Variants in CFAP74 observed in about 807,000 individuals in gnomAD.
CFAP74 encodes the protein cilia and flagella associated protein 74.
Under a neutral mutation model 188.9 loss-of-function variants are expected in CFAP74, and 124 were observed. The ratio of observed to expected loss-of-function variants is 0.66; its 90% CI spans 0.57 to 0.76. CFAP74 has a LOEUF of 0.76. Ranked by LOEUF, CFAP74 falls within the 30% of genes least tolerant of loss-of-function variation. CFAP74 has a pLI of 0.00. For missense variants in CFAP74, 2,198 were observed against 2,165.2 expected (o/e 1.02, Z -0.30); for synonymous variants, 956 against 916.7 (o/e 1.04, Z -0.77).
intron 16 of CFAP74, among the ~76,000 whole-genome samples, chr1:1,958,472 C>T (rs1440329457): frequency 6.6e-6 from 1 of 152,238 alleles, no homozygotes; most frequent in African/African-American, 2.4e-5. Context: ...ACACTCGCGG[C>T]TGAGCCAGGA....
chr1:1,925,650 G>C, intron 33 of CFAP74, 133 bp downstream of exon 33: 1 of 918,560 alleles, frequency 1.1e-6, no homozygotes. Flanking sequence ...GTAGAGGAGG[G>C]GTAGAGGGGG....
intron 34 of CFAP74, among the ~76,000 whole-genome samples, 196 bp downstream of exon 34, chr1:1,924,195 G>GCCCCCCCAT (rs1651642702): frequency 1.7e-5 from 1 of 58,584 alleles, no homozygotes; most frequent in African/African-American, 7.8e-5. Flanking sequence ...CCCCCACCCA[G>GCCCCCCCAT]CTCACCGCCC....
chr1:1,924,076 C>G (rs1283365292), intron 34 of CFAP74, 147 bp from the exon 35 acceptor site: 2 of 673,140 alleles, frequency 3.0e-6, no homozygotes, highest in Non-Finnish European at 2.2e-6. Context: ...TTGCGCCCCC[C>G]ACTCCTCCCA....
intron 33 of CFAP74, 32 bp downstream of exon 33, chr1:1,925,751 G>A (rs779738575): frequency 3.1e-5 from 50 of 1,594,886 alleles, no homozygotes; most frequent in Non-Finnish European, 4.0e-5. Context: ...CTGGGAGGCT[G>A]GAGCCAGCAC....
rs112104239 is a variant in CFAP74, at chr1:1,922,117, G to A, written c.*170C>T. ...GGTGCTCTTGGATGTCCCTGGGCTT[G>A]CGGGGTCCAGGGCAGCAGGAAGTGG... On this transcript the variant is annotated 3_prime_UTR_variant, in exon 39 of 39. Coordinates refer to ENST00000682832, the MANE Select transcript of CFAP74 (RefSeq NM_001304360.2). 3.1e-5 allele frequency: 18 copies of A among 584,960 alleles called. No individual in the cohort carries two copies. Among genetic ancestry groups the A allele is most frequent in the African/African-American group, 1.7e-4 (9 of 52,708 alleles). 36.2% of individuals were successfully genotyped at this position (584,960 alleles called of 1,614,324 possible).
At position 1,923,933 on chromosome 1, in the gene CFAP74, C is replaced by A. The variant is rs756214005; in HGVS notation, c.4235-4G>T. On this transcript the variant is annotated splice_region_variant and splice_polypyrimidine_tract_variant and intron_variant, in intron 34 of 38. Coordinates refer to ENST00000682832, the MANE Select transcript of CFAP74 (RefSeq NM_001304360.2). This position sits in a 1 kb window ranked among gnomAD's most constrained non-coding sequence, Gnocchi z 6.3. ...TGACCGTTGAGATTCTGCGTCCCTGCGGGTAGGGTGGGGTGCAGTTTGGCC... is the reference window on the plus strand; with the variant it reads ...TGACCGTTGAGATTCTGCGTCCCTGAGGGTAGGGTGGGGTGCAGTTTGGCC... 4 of 1,605,652 alleles carry A rather than the reference C, an allele frequency of 2.5e-6. No homozygotes were observed. Among genetic ancestry groups the A allele is most frequent in the East Asian group, 2.2e-5 (1 of 44,812 alleles).
In CFAP74 at chr1:1,959,102, G is replaced by T; in HGVS notation, c.1851+18C>A. On this transcript the variant is annotated intron_variant, in intron 16 of 38. Coordinates refer to ENST00000682832, the MANE Select transcript of CFAP74 (RefSeq NM_001304360.2). ...AGCATGCCCCGAGAAATGCTGGCTC[G>T]GACACCTTTGAACTCACCGAACATT... 2.5e-6 allele frequency: 4 copies of T among 1,576,910 alleles called. No individual in the cohort carries two copies. Among genetic ancestry groups the T allele is most frequent in the Non-Finnish European group, 2.6e-6 (3 of 1,148,206 alleles).
intron 25 of CFAP74, among the ~76,000 whole-genome samples, chr1:1,937,090 C>T (rs573875422): frequency 9.8e-5 from 15 of 152,290 alleles, no homozygotes; most frequent in Admixed American, 8.5e-4. Context: ...AAGGCAGCAG[C>T]CTAAGGACTC....
In CFAP74 at chr1:1,938,843, T is replaced by C; in HGVS notation, c.3011+12A>G. 1 of 1,535,760 alleles carries C rather than the reference T, an allele frequency of 6.5e-7. No homozygotes were observed. On this transcript the variant is annotated intron_variant, in intron 25 of 38. Transcript: ENST00000682832. ...CCAGGCCCCCTGCGTCCCCTCTCCC[T>C]GGCAGGCTCACCGGTTGATCTCAGA... is the stretch of plus-strand genomic sequence containing the variant.
At chr1:1,959,031 T>C in intron 16 of CFAP74, 89 bp downstream of exon 16, 3 of 861,744 alleles carry the variant, frequency 3.5e-6, no homozygotes, top group Middle Eastern at 2.3e-4. Flanking sequence ...CCCGCCAACC[T>C]GCACCCCCTC....
intron 13 of CFAP74, 69 bp from the exon 14 acceptor site, chr1:1,963,936 T>C: frequency 9.8e-7 from 1 of 1,022,074 alleles, no homozygotes; most frequent in Non-Finnish European, 1.5e-6. Context: ...CCGAGGCAGC[T>C]TTGCCTCAAG....
intron 10 of CFAP74, among the ~76,000 whole-genome samples, chr1:1,970,025 G>A (rs569084117): frequency 2.6e-5 from 4 of 152,290 alleles, no homozygotes; most frequent in South Asian, 2.1e-4. Context: ...GGGAGAGAGG[G>A]GCCTTGTAGG....
In CFAP74 at chr1:1,922,368, C is replaced by T. The variant is rs371419045; in HGVS notation, c.4839G>A (p.Val1613=). The change falls in exon 39 of 39, where the codon GTG becomes GTA. Residue 1613 remains valine, a synonymous_variant. Coordinates refer to ENST00000682832, the MANE Select transcript of CFAP74 (RefSeq NM_001304360.2). ...ADFDPDHPLM[V]SALLQLRGDV... ...CCCCCCTTAGCTGCAGCAGGGCCGA[C>T]ACCATGAGTGGGTGGTCTGGCTGGA... 32 of 1,602,776 alleles carry T rather than the reference C, an allele frequency of 2.0e-5. No individual in the cohort carries two copies. The African/African-American group carries it at 3.1e-4, about 16-fold the overall frequency.
chr1:1,972,902 G>C, intron 8 of CFAP74, 35 bp downstream of exon 8: 1 of 1,338,418 alleles, frequency 7.5e-7, no homozygotes, highest in Non-Finnish European at 1.1e-6. Flanking sequence ...CGTATTCTTG[G>C]GTTTCTCCTT....
rs762073359 is a variant in CFAP74 at position 1,963,735 on chromosome 1, A to C, written c.1694+14T>G. ...CCTGCACCGCGTCCCTCCCTGTCTG[A>C]GCCGTCCTCTTACTCAACGTGGATG... is the stretch of plus-strand genomic sequence containing the variant. On this transcript the variant is annotated intron_variant, in intron 14 of 38. Transcript: ENST00000682832. 2.5e-5 allele frequency: 39 copies of C among 1,569,888 alleles called. No individual in the cohort carries two copies. Among genetic ancestry groups the C allele is most frequent in the Non-Finnish European group, 3.3e-5 (38 of 1,141,012 alleles).
chr1:1,978,396 C>T (rs1656584943), intron 6 of CFAP74, among the ~76,000 whole-genome samples: 1 of 151,816 alleles, frequency 6.6e-6, no homozygotes, highest in Admixed American at 6.6e-5. Context: ...CGGTGGGCAG[C>T]AGGGCAGCGT....
At chr1:1,996,278 C>G (rs1235175541) in intron 1 of CFAP74, among the ~76,000 whole-genome samples, 5 of 152,172 alleles carry the variant, frequency 3.3e-5, no homozygotes, top group Non-Finnish European at 7.4e-5. Flanking sequence ...AACCACTGTG[C>G]CTGCCCAAAC....
chr1:1,988,804 G>A lies in CFAP74; in HGVS notation c.152+85C>T, dbSNP rs1156851925. 6 of 971,610 alleles carry A rather than the reference G, an allele frequency of 6.2e-6. No homozygotes were observed. The Admixed American group carries it at 7.0e-5, about 11-fold the overall frequency. The allele number at this position is 971,610 out of a possible 1,614,324, so 60.2% of individuals were successfully genotyped here. ...AGCCTGTGGGAGGGAGGAAGCAGCC[G>A]CCCCGCTCCCTTCACCCACCCCCCC... On this transcript the variant is annotated intron_variant, in intron 3 of 38. Transcript: ENST00000682832.
intron 25 of CFAP74, among the ~76,000 whole-genome samples, chr1:1,931,921 C>T (rs1652415376): frequency 6.6e-6 from 1 of 151,124 alleles, no homozygotes; most frequent in Non-Finnish European, 1.5e-5. Flanking sequence ...CAAAAGTTAG[C>T]TGGGCGTGGT....
Sources: gnomAD v4.1 joint callset for allele counts (sites outside exome capture counted in the v4.1 genomes callset) on GRCh38, gnomAD v4.1.1 for gene constraint, Gnocchi (gnomAD v3.1) non-coding constraint, MANE v1.5 for transcripts, NCBI Gene and HGNC (gene_info 2026-07-23, HGNC 2026-07-21) for gene names.